Variants in RICTOR observed in about 807,000 individuals in gnomAD.
The protein encoded by RICTOR is rapamycin-insensitive companion of mTOR.
A neutral mutation model predicts 214.9 loss-of-function variants in RICTOR; 49 were observed. The observed-to-expected ratio is 0.23, with a 90% CI of 0.18 to 0.29. RICTOR has a LOEUF of 0.29. RICTOR is among the 10% of genes least tolerant of loss of function. The probability of loss-of-function intolerance (pLI) is 1.00; values close to 1 mark genes in which losing one functional copy is unlikely to be tolerated. For missense variants in RICTOR, 1,625 were observed against 2,047.0 expected, an observed-to-expected ratio of 0.79 and a Z score of 3.98; for synonymous variants, 717 against 711.3, an observed-to-expected ratio of 1.01 and a Z score of -0.13.
intron 22 of RICTOR, 44 bp from the exon 23 acceptor site, chr5:38,958,875 C>G: frequency 7.9e-7 from 1 of 1,265,488 alleles, no homozygotes; most frequent in Non-Finnish European, 1.1e-6. Context: ...AAAACTTCAG[C>G]ATAAATAGCC....
chr5:39,002,434 T>G (rs1456489893), intron 5 of RICTOR, 101 bp downstream of exon 5: 1 of 681,084 alleles, frequency 1.5e-6, no homozygotes, highest in Non-Finnish European at 2.5e-6. Context: ...ACAAAATTCA[T>G]CAAAGTTACA....
intron 2 of RICTOR, among the ~76,000 whole-genome samples, chr5:39,063,513 G>C (rs754993992): frequency 3.9e-5 from 6 of 152,106 alleles, no homozygotes; most frequent in Non-Finnish European, 7.4e-5. Flanking sequence ...TCTTACAATT[G>C]TCATTATATC....
intron 2 of RICTOR, among the ~76,000 whole-genome samples, chr5:39,070,934 G>A (rs937903889): frequency 3.3e-5 from 5 of 152,174 alleles, no homozygotes; most frequent in African/African-American, 1.2e-4. Context: ...GTAGTTGTCT[G>A]AACAAAACTC....
chr5:39,053,886 G>A (rs1379461723), intron 2 of RICTOR, among the ~76,000 whole-genome samples: 1 of 105,174 alleles, frequency 9.5e-6, no homozygotes. Flanking sequence ...GCGAGACTCC[G>A]TCTCAAAAAA....
chr5:38,993,264 A>C (rs1353660393), intron 6 of RICTOR, among the ~76,000 whole-genome samples: 1 of 152,222 alleles, frequency 6.6e-6, no homozygotes, highest in African/African-American at 2.4e-5. Context: ...ATCTCTTTCA[A>C]ATGTAAAAAG....
intron 2 of RICTOR, among the ~76,000 whole-genome samples, chr5:39,028,420 G>A (rs1756016732): frequency 6.6e-6 from 1 of 151,886 alleles, no homozygotes; most frequent in Non-Finnish European, 1.5e-5. Flanking sequence ...CTGACCTCGT[G>A]ATCCGCCCGC....
chr5:38,954,885 A>AT (rs761841933), intron 26 of RICTOR, 24 bp from the exon 27 acceptor site: 91 of 1,229,196 alleles, frequency 7.4e-5, no homozygotes, highest in Non-Finnish European at 1.0e-4. Context: ...GATGATTACT[A>AT]TATCTCTTGG....
In RICTOR at chr5:38,949,949, G is replaced by A. The variant is rs1398517192; in HGVS notation, c.3899C>T (p.Ala1300Val). Residue 1300 changes from alanine to valine, a missense_variant, in exon 31 of 38, where the codon GCA (alanine) becomes GTA (valine). Physicochemically the swap from Ala to Val is moderately conservative, Grantham distance 64. Coordinates refer to ENST00000357387, the MANE Select transcript of RICTOR (RefSeq NM_152756.5). ...AATAGAGGGTGCTTTAAGGGACTGT[G>A]CTCTTCTAGGAAGCGTATGAGAAGA... ...PGSSHTLPRRAQSLKAPSIAT... is the reference protein window; with the variant it reads ...PGSSHTLPRRVQSLKAPSIAT... 1 of 1,613,556 alleles carries A rather than the reference G, an allele frequency of 6.2e-7. No individual in the cohort carries two copies.
chr5:39,045,804 C>G (rs1757448538), intron 2 of RICTOR, among the ~76,000 whole-genome samples: 1 of 151,892 alleles, frequency 6.6e-6, no homozygotes, highest in East Asian at 1.9e-4. Flanking sequence ...AAGGGCTTAC[C>G]TTCTTAGAAA....
chr5:38,974,599 T>C (rs1751053824), intron 10 of RICTOR, among the ~76,000 whole-genome samples: 2 of 151,982 alleles, frequency 1.3e-5, no homozygotes, highest in South Asian at 4.1e-4. Flanking sequence ...AACAAAGTAC[T>C]GGGGAGCTGA....
rs1748311863 is a variant in RICTOR at position 38,947,258 on chromosome 5, T to C, written c.4314+6A>G. 3.8e-6 allele frequency: 6 copies of C among 1,593,224 alleles called. No homozygotes were observed. The highest frequency in any genetic ancestry group is 1.7e-6 in the Non-Finnish European group (2 of 1,165,666). On this transcript the variant is annotated splice_donor_region_variant and intron_variant, in intron 32 of 37. Transcript: ENST00000357387. ...CATAGGAAAACAATAAAATGTATGA[T>C]AATACCTGGAATATATCATTTATAT...
chr5:38,963,924 C>T (rs28684455), intron 16 of RICTOR, among the ~76,000 whole-genome samples: 27,159 of 151,750 alleles, frequency 0.18, 2,634 homozygotes, highest in Middle Eastern at 0.22. Context: ...TATAAGACAA[C>T]TTTGGTCTGT....
intron 3 of RICTOR, among the ~76,000 whole-genome samples, chr5:39,005,631 G>A (rs76745105): frequency 1.3e-5 from 2 of 152,016 alleles, no homozygotes; most frequent in Admixed American, 6.5e-5. Context: ...ATCATCTCTG[G>A]ATCTGTTATT....
intron 7 of RICTOR, among the ~76,000 whole-genome samples, 188 bp downstream of exon 7, chr5:38,990,761 A>ATCATATATATATC: frequency 3.9e-5 from 1 of 25,854 alleles, no homozygotes; most frequent in South Asian, 1.2e-3. Context: ...TATGATATAT[A>ATCATATATATATC]TGAGATATAT....
chr5:39,024,737 T>C (rs929021694), intron 2 of RICTOR, among the ~76,000 whole-genome samples: 4 of 152,258 alleles, frequency 2.6e-5, no homozygotes, highest in African/African-American at 9.6e-5. Flanking sequence ...GACTAATAGT[T>C]ACGATGATTA....
chr5:39,066,734 A>C (rs191922688), intron 2 of RICTOR, among the ~76,000 whole-genome samples: 1 of 152,242 alleles, frequency 6.6e-6, no homozygotes, highest in African/African-American at 2.4e-5. Context: ...CTTCCGCCAG[A>C]TACCAGAGGT....
chr5:39,072,941 A>C lies in RICTOR; in HGVS notation c.97+1170T>G, dbSNP rs553248425. Among the ~76,000 whole-genome samples the C allele has an allele frequency of 5.3e-4, 80 of 152,374 alleles. 1 individual carries two copies. The highest frequency in any genetic ancestry group is 1.9e-3 in the African/African-American group (77 of 41,596). On this transcript the variant is annotated intron_variant, in intron 2 of 37. Transcript: ENST00000357387. Reference sequence around the variant, plus strand: ...TCTTGTAGCTAAGTGAAAGCTGACCATTCAGTTTATAAAACAGTAATCTTA... The same window carrying C: ...TCTTGTAGCTAAGTGAAAGCTGACCCTTCAGTTTATAAAACAGTAATCTTA...
chr5:38,955,574 A>G, intron 26 of RICTOR, 21 bp downstream of exon 26: 1 of 1,276,524 alleles, frequency 7.8e-7, no homozygotes, highest in Non-Finnish European at 1.1e-6. Flanking sequence ...CTAGTTTTAA[A>G]TCTGATAACT....
rs752982517 is a variant in RICTOR at position 38,959,334 on chromosome 5, A to C, written c.2052-13T>G. The C allele has an allele frequency of 7.0e-7, 1 of 1,425,514 alleles. No homozygotes were observed. The highest frequency in any genetic ancestry group is 9.6e-7 in the Non-Finnish European group (1 of 1,046,146). The allele number at this position is 1,425,514 out of a possible 1,614,324, so 88.3% of individuals were successfully genotyped here. On this transcript the variant is annotated splice_polypyrimidine_tract_variant and intron_variant, in intron 21 of 37. Transcript: ENST00000357387. ...AAGATTAAGGAGACTTAAAAGAAAA[A>C]AAAAATAAGAATGGTTAAAAGAAAT...
Sources: allele counts gnomAD v4.1 joint callset (sites outside exome capture counted in the v4.1 genomes callset), GRCh38; gene constraint gnomAD v4.1.1; transcripts MANE v1.5; gene names NCBI Gene and HGNC (gene_info 2026-07-23, HGNC 2026-07-21).